ANXA5: variants seen among roughly 807,000 people sequenced by gnomAD.
ANXA5 encodes CBP-I.
ANXA5 carries 40 observed loss-of-function variants against 48.1 expected under a neutral mutation model. The observed-to-expected ratio is 0.83, with a 90% CI of 0.65 to 1.08. The LOEUF (loss-of-function observed/expected upper bound fraction) is 1.08. Among genes scored for constraint, ANXA5 ranks in the 50% least tolerant of loss-of-function variants. ANXA5 has a pLI of 0.00. For missense variants in ANXA5, 357 were observed against 376.8 expected, an observed-to-expected ratio of 0.95 and a Z score of 0.44; for synonymous variants, 113 against 129.1, an observed-to-expected ratio of 0.88 and a Z score of 0.85.
rs78165393 is a variant in ANXA5, at chr4:121,675,824, G to A, written c.531+2070C>T. The stretch of plus-strand genomic sequence containing the variant: ...CAGAATCTGCAATTAAAGGTCCCAG[G>A]TGCGCCACATGCCCATGAAAGTTTG... On this transcript the variant is annotated intron_variant, in intron 8 of 12. Coordinates refer to ENST00000296511, the MANE Select transcript of ANXA5 (RefSeq NM_001154.4). 8.7e-3 allele frequency among the ~76,000 whole-genome samples: 1,319 copies of A among 152,298 alleles called. 8 individuals carry two copies. Among genetic ancestry groups the A allele is most frequent in the Middle Eastern group, 0.02 (6 of 294 alleles).
At chr4:121,673,900 G>T (rs1724652440) in intron 8 of ANXA5, among the ~76,000 whole-genome samples, 1 of 151,962 alleles carries the variant, frequency 6.6e-6, no homozygotes, top group Non-Finnish European at 1.5e-5. Flanking sequence ...AGAAGTTGCA[G>T]GCTAGGCATA....
chr4:121,668,457 C>T lies in ANXA5; in HGVS notation c.*11G>A. 6.2e-7 allele frequency: 1 copy of T among 1,613,172 alleles called. No homozygotes were observed. The highest frequency in any genetic ancestry group is 2.2e-5 in the East Asian group (1 of 44,852). ...GCAGGCACACAGCAGGGAGCTCTTC[C>T]CCGTGACACGTTAGTCATCTTCTCC... On this transcript the variant is annotated 3_prime_UTR_variant, in exon 13 of 13. Coordinates refer to ENST00000296511, the MANE Select transcript of ANXA5 (RefSeq NM_001154.4).
intron 8 of ANXA5, among the ~76,000 whole-genome samples, chr4:121,673,521 TA>T (rs1369246367): frequency 2.0e-5 from 3 of 152,198 alleles, no homozygotes; most frequent in African/African-American, 7.2e-5. Flanking sequence ...CAGGAAGTGA[TA>T]ATAACAGGCT....
chr4:121,681,805 A>C (rs1724798126), intron 5 of ANXA5, 44 bp from the exon 6 acceptor site: 1 of 1,405,278 alleles, frequency 7.1e-7, no homozygotes, highest in Admixed American at 1.8e-5. Context: ...ATAAGATTAA[A>C]AAGAAAGTTA....
At chr4:121,692,103 T>A (rs11731225) in intron 2 of ANXA5, among the ~76,000 whole-genome samples, 2 of 152,132 alleles carry the variant, frequency 1.3e-5, no homozygotes, top group African/African-American at 4.8e-5. Context: ...TCCTTTCCTT[T>A]TCATGCTCCA....
intron 2 of ANXA5, among the ~76,000 whole-genome samples, chr4:121,694,248 T>TA (rs1168879732): frequency 3.4e-5 from 5 of 145,316 alleles, no homozygotes; most frequent in Non-Finnish European, 7.5e-5. Context: ...TAAAGTATAA[T>TA]AAAAATATAT....
chr4:121,671,448 T>A (rs1345545863), intron 10 of ANXA5, 99 bp downstream of exon 10: 1 of 832,224 alleles, frequency 1.2e-6, no homozygotes, highest in Non-Finnish European at 2.0e-6. Context: ...ATCAAGCTCT[T>A]CCTTCACACC....
chr4:121,694,011 A>G (rs1329115335), intron 2 of ANXA5, among the ~76,000 whole-genome samples: 1 of 151,132 alleles, frequency 6.6e-6, no homozygotes, highest in Admixed American at 6.6e-5. Flanking sequence ...TGTAACTTAA[A>G]CATATACCAT....
chr4:121,676,680 C>CA (rs534033807), intron 8 of ANXA5, among the ~76,000 whole-genome samples: 21 of 97,778 alleles, frequency 2.1e-4, no homozygotes, highest in Admixed American at 1.1e-4. Context: ...AGCCTGGGGG[C>CA]GGGGGGGGGT....
At chr4:121,678,282 C>A in intron 7 of ANXA5, 133 bp downstream of exon 7, 1 of 722,854 alleles carries the variant, frequency 1.4e-6, no homozygotes, top group South Asian at 1.9e-5. Flanking sequence ...AACATACAGT[C>A]AGAATCATCG....
intron 10 of ANXA5, 21 bp downstream of exon 10, chr4:121,671,526 A>G (rs1486923822): frequency 6.4e-7 from 1 of 1,567,480 alleles, no homozygotes; most frequent in African/African-American, 1.4e-5. Flanking sequence ...CAAAAATATC[A>G]ATACATTGTA....
At chr4:121,693,144 G>T (rs891791042) in intron 2 of ANXA5, among the ~76,000 whole-genome samples, 1 of 151,944 alleles carries the variant, frequency 6.6e-6, no homozygotes, top group African/African-American at 2.4e-5. Context: ...TGAGGGAAGA[G>T]AATCAGTTGA....
rs1301278522 is a variant in ANXA5, at chr4:121,671,719, T to C, written c.626-77A>G. 5 of 1,026,548 alleles carry C rather than the reference T, an allele frequency of 4.9e-6. 1 individual carries two copies. The highest frequency in any genetic ancestry group is 4.8e-5 in the African/African-American group (3 of 62,826). The allele number at this position is 1,026,548 out of a possible 1,614,324, so 63.6% of individuals were successfully genotyped here. A position where few individuals can be genotyped will look rare whatever the true frequency, so the allele number is the denominator to read the frequency against. On this transcript the variant is annotated intron_variant, in intron 9 of 12. Transcript: ENST00000296511. ...AAAGATGGTATTTACTTTGATTAGG[T>C]AGTGTCTTACTGAACACAAATCTCC...
intron 2 of ANXA5, among the ~76,000 whole-genome samples, chr4:121,689,982 C>T (rs777663504): frequency 3.9e-5 from 6 of 152,056 alleles, no homozygotes; most frequent in South Asian, 2.1e-4. Context: ...TGTCAGCATA[C>T]GCCGGTAGTA....
chr4:121,671,457 C>T, intron 10 of ANXA5, 90 bp downstream of exon 10: 2 of 932,488 alleles, frequency 2.1e-6, no homozygotes, highest in Non-Finnish European at 3.5e-6. Context: ...TTCCTTCACA[C>T]CTAGGTGGTT....
intron 2 of ANXA5, among the ~76,000 whole-genome samples, chr4:121,692,966 G>A (rs1253128360): frequency 6.6e-6 from 1 of 152,256 alleles, no homozygotes; most frequent in African/African-American, 2.4e-5. Flanking sequence ...AGGCGCAGTG[G>A]CTCATGCCTG....
At chr4:121,677,801 G>T in intron 8 of ANXA5, 93 bp downstream of exon 8, 2 of 1,078,738 alleles carry the variant, frequency 1.9e-6, no homozygotes, top group Non-Finnish European at 2.8e-6. Flanking sequence ...ATCACTAGAA[G>T]CTATTACAAC....
intron 10 of ANXA5, among the ~76,000 whole-genome samples, chr4:121,670,602 TCA>T (rs3836727): frequency 0.16 from 24,908 of 152,094 alleles, 2,133 homozygotes; most frequent in Non-Finnish European, 0.2. Flanking sequence ...TGCTCAGACC[TCA>T]GTCTGCTTAG....
intron 8 of ANXA5, 28 bp from the exon 9 acceptor site, chr4:121,672,654 A>T: frequency 6.5e-7 from 1 of 1,540,382 alleles, no homozygotes; most frequent in Non-Finnish European, 9.0e-7. Context: ...TCAATTAATA[A>T]ATTGTTCCTC....
Sources: gnomAD v4.1 joint callset for allele counts (sites outside exome capture counted in the v4.1 genomes callset) on GRCh38, gnomAD v4.1.1 for gene constraint, MANE v1.5 for transcripts, NCBI Gene and HGNC (gene_info 2026-07-23, HGNC 2026-07-21) for gene names.